The following NUP62CL variants were observed in gnomAD, a reference collection of about 807,000 sequenced individuals.
The protein encoded by NUP62CL is nucleoporin 62 C-terminal like.
A neutral mutation model predicts 15.3 loss-of-function variants in NUP62CL; 13 were observed. The observed-to-expected ratio is 0.85, with a 90% CI of 0.55 to 1.35. The LOEUF is 1.35. NUP62CL is among the 40% of genes most tolerant of loss of function. NUP62CL has a pLI of 0.00. For missense variants in NUP62CL, 123 were observed against 130.6 expected, an observed-to-expected ratio of 0.94 and a Z score of 0.28; for synonymous variants, 54 against 49.2, an observed-to-expected ratio of 1.10 and a Z score of -0.41.
intron 8 of NUP62CL, among the ~76,000 whole-genome samples, chrX:107,129,190 T>C (rs1602633357): frequency 8.9e-6 from 1 of 111,824 alleles, no homozygotes; most frequent in African/African-American, 3.3e-5. Context: ...GCAGCTGGAT[T>C]TGTATGAGAG....
At chrX:107,188,316 A>T (rs1927118992) in intron 2 of NUP62CL, among the ~76,000 whole-genome samples, 1 of 111,883 alleles carries the variant, frequency 8.9e-6, no homozygotes, top group African/African-American at 3.3e-5. Flanking sequence ...GGGCCAGTTG[A>T]TGTAATTCAC....
At chrX:107,170,123 C>A (rs1184508107) in intron 3 of NUP62CL, among the ~76,000 whole-genome samples, 1 of 101,047 alleles carries the variant, frequency 9.9e-6, no homozygotes, top group Non-Finnish European at 2.0e-5. Context: ...AGCGACAGAG[C>A]GAGATTCTGT....
At chrX:107,174,974 A>G (rs2147809133) in intron 3 of NUP62CL, 115 bp downstream of exon 3, 2 of 590,457 alleles carry the variant, frequency 3.4e-6, no homozygotes, top group Admixed American at 3.0e-5. Context: ...GCAATTATAA[A>G]TGGGTTCAAG....
intron 2 of NUP62CL, among the ~76,000 whole-genome samples, chrX:107,187,370 A>G (rs1215961080): frequency 8.9e-6 from 1 of 112,343 alleles, no homozygotes; most frequent in African/African-American, 3.2e-5. Flanking sequence ...CAATAAAAAA[A>G]ATTGTACAAA....
chrX:107,205,078 TAGTA>T (rs946608671), intron 1 of NUP62CL, among the ~76,000 whole-genome samples: 5 of 110,913 alleles, frequency 4.5e-5, no homozygotes, highest in Non-Finnish European at 7.6e-5. Context: ...ATATTGCAAG[TAGTA>T]AGTGTTAAGT....
chrX:107,169,381 C>T (rs1926593475), intron 3 of NUP62CL, among the ~76,000 whole-genome samples: 1 of 112,179 alleles, frequency 8.9e-6, no homozygotes, highest in Non-Finnish European at 1.9e-5. Flanking sequence ...TTTGGGAGGT[C>T]CCTAAAGCTG....
chrX:107,156,114 G>A (rs913662611), intron 4 of NUP62CL, among the ~76,000 whole-genome samples: 2 of 111,336 alleles, frequency 1.8e-5, no homozygotes, highest in Admixed American at 1.9e-4. Flanking sequence ...TCCCACACCT[G>A]GCTCGGAGGG....
intron 1 of NUP62CL, among the ~76,000 whole-genome samples, chrX:107,193,551 A>C (rs947615312): frequency 1.8e-5 from 2 of 111,944 alleles, no homozygotes; most frequent in South Asian, 7.5e-4. Flanking sequence ...AATTCAATTT[A>C]TGTTTGTGAT....
chrX:107,165,506 T>C (rs1260035555), intron 4 of NUP62CL, among the ~76,000 whole-genome samples: 1 of 110,484 alleles, frequency 9.1e-6, no homozygotes, highest in Non-Finnish European at 1.9e-5. Context: ...ATATCAAAAC[T>C]AGAGACATAA....
chrX:107,175,010 A>G, intron 3 of NUP62CL, 79 bp downstream of exon 3: 1 of 724,432 alleles, frequency 1.4e-6, no homozygotes, highest in Non-Finnish European at 2.2e-6. Context: ...TGAGACAGAG[A>G]TCTGTAGCAT....
At chrX:107,131,717 G>C in intron 8 of NUP62CL, 1 of 788,205 alleles carries the variant, frequency 1.3e-6, no homozygotes, top group Non-Finnish European at 2.0e-6. Flanking sequence ...GGAATTATCA[G>C]GAATTATTGA....
chrX:107,165,638 G>C (rs1926500110), intron 4 of NUP62CL, among the ~76,000 whole-genome samples: 1 of 111,007 alleles, frequency 9.0e-6, no homozygotes, highest in Non-Finnish European at 1.9e-5. Context: ...TGATCAAGTG[G>C]GATTTATTCC....
At chrX:107,200,107 G>A (rs185215363) in intron 1 of NUP62CL, among the ~76,000 whole-genome samples, 6 of 111,157 alleles carry the variant, frequency 5.4e-5, no homozygotes, top group African/African-American at 2.0e-4. Flanking sequence ...CAAAATATAG[G>A]GCTTCTGAAA....
intron 1 of NUP62CL, among the ~76,000 whole-genome samples, chrX:107,194,881 A>G (rs1159423668): frequency 1.0e-5 from 1 of 98,576 alleles, no homozygotes; most frequent in Non-Finnish European, 2.0e-5. Flanking sequence ...CAGTGGCACA[A>G]TCTCAGCTCA....
At chrX:107,184,998 A>G (rs1244431011) in intron 2 of NUP62CL, among the ~76,000 whole-genome samples, 2 of 110,941 alleles carry the variant, frequency 1.8e-5, no homozygotes, top group African/African-American at 6.6e-5. Flanking sequence ...TATCCTCCAG[A>G]AAAAAGAGAG....
At chrX:107,127,170 ATAT>A (rs1354072684) in intron 8 of NUP62CL, among the ~76,000 whole-genome samples, 1 of 112,287 alleles carries the variant, frequency 8.9e-6, no homozygotes. Flanking sequence ...AACCTTGAAA[ATAT>A]TATGCTAAAT....
At chrX:107,177,870 A>G (rs1926821250) in intron 2 of NUP62CL, among the ~76,000 whole-genome samples, 1 of 111,747 alleles carries the variant, frequency 8.9e-6, no homozygotes, top group Admixed American at 9.5e-5. Flanking sequence ...CCAAAAAGAG[A>G]TGAAACATAT....
chrX:107,200,990 A>T (rs1313156549), intron 1 of NUP62CL, among the ~76,000 whole-genome samples: 1 of 111,580 alleles, frequency 9.0e-6, no homozygotes, highest in Non-Finnish European at 1.9e-5. Context: ...ACATGCAAGT[A>T]AGAAAAGTTG....
At chrX:107,172,448 T>C (rs1926675815) in intron 3 of NUP62CL, among the ~76,000 whole-genome samples, 1 of 112,020 alleles carries the variant, frequency 8.9e-6, no homozygotes, top group African/African-American at 3.2e-5. Flanking sequence ...TAAGTAAACT[T>C]CTTACAGTAA....
Sources: allele counts gnomAD v4.1 joint callset (sites outside exome capture counted in the v4.1 genomes callset), GRCh38; gene constraint gnomAD v4.1.1; transcripts MANE v1.5; gene names NCBI Gene and HGNC (gene_info 2026-07-23, HGNC 2026-07-21).